The following GDA variants were observed in gnomAD, a reference collection of about 807,000 sequenced individuals.
GDA encodes the protein cytoplasmic PSD-95 interactor.
GDA carries 18 observed loss-of-function variants against 59.6 expected under a neutral mutation model. The observed-to-expected ratio is 0.30, with a 90% CI of 0.21 to 0.45. The LOEUF (loss-of-function observed/expected upper bound fraction) is 0.45, where lower values mean the gene tolerates loss of function less well. GDA is among the 20% of genes least tolerant of loss of function. GDA has a pLI of 1.00. For synonymous variants in GDA, 201 were observed against 201.1 expected (o/e 1.00, Z 0.00); for missense variants, 427 against 552.3 (o/e 0.77, Z 2.27).
chr9:72,193,699 C>T (rs1278065484), intron 1 of GDA: 1 of 152,346 alleles, frequency 6.6e-6, no homozygotes, highest in African/African-American at 2.4e-5. Flanking sequence ...GGTGGTGAAG[C>T]CAGCCAGGCT....
At chr9:72,135,408 G>T (rs1188835305) in intron 1 of GDA, among the ~76,000 whole-genome samples, 1 of 152,094 alleles carries the variant, frequency 6.6e-6, no homozygotes, top group Non-Finnish European at 1.5e-5. Context: ...GTATTCTCAT[G>T]CTGAGAAAGT....
intron 2 of GDA, among the ~76,000 whole-genome samples, chr9:72,201,334 C>T (rs1017761573): frequency 6.6e-6 from 1 of 152,100 alleles, no homozygotes; most frequent in Admixed American, 6.5e-5. Flanking sequence ...ATGTAGAACG[C>T]TGTGCCAGTG....
At chr9:72,124,420 A>G (rs1341166572) in intron 1 of GDA, among the ~76,000 whole-genome samples, 1 of 152,200 alleles carries the variant, frequency 6.6e-6, no homozygotes, top group Non-Finnish European at 1.5e-5. Flanking sequence ...TTACACTCAG[A>G]TTTCAGTGAT....
upstream of GDA, among the ~76,000 whole-genome samples, chr9:72,144,547 A>G (rs1009319124): frequency 1.3e-5 from 2 of 152,246 alleles, no homozygotes; most frequent in African/African-American, 4.8e-5. Context: ...CTATCATAAT[A>G]TAGATGTCCA....
At chr9:72,246,909 A>G (rs1324072198) in intron 12 of GDA, among the ~76,000 whole-genome samples, 6 of 152,120 alleles carry the variant, frequency 3.9e-5, no homozygotes, top group African/African-American at 1.4e-4. Context: ...GGGAGTTCTT[A>G]GTTTCTGTTT....
rs1239240515 is a variant in GDA, at chr9:72,223,231, G to A, written c.714+4G>A. 4 of 1,549,058 alleles carry A rather than the reference G, an allele frequency of 2.6e-6. No individual in the cohort carries two copies. The highest frequency in any genetic ancestry group is 2.7e-5 in the African/African-American group (2 of 73,580). On this transcript the variant is annotated splice_donor_region_variant and intron_variant, in intron 7 of 13. Transcript: ENST00000358399. ...AACCCGTGATTTGCACATTCAGGTG[G>A]GTATTCTTCTTCTCTTTATGCCTCT...
chr9:72,173,307 T>TGG (rs760955088), intron 1 of GDA, among the ~76,000 whole-genome samples: 74 of 152,092 alleles, frequency 4.9e-4, no homozygotes, highest in South Asian at 1.0e-3. Flanking sequence ...TGCCTTCTTC[T>TGG]GGTGAAATAC....
chr9:72,211,554 T>C (rs1030899506), intron 4 of GDA, among the ~76,000 whole-genome samples: 3 of 152,214 alleles, frequency 2.0e-5, no homozygotes, highest in Admixed American at 6.5e-5. Flanking sequence ...TGTTTGCTTA[T>C]GCAAAAGACC....
chr9:72,123,393 C>T (rs1016294000), intron 1 of GDA, among the ~76,000 whole-genome samples: 41 of 151,786 alleles, frequency 2.7e-4, no homozygotes, highest in African/African-American at 9.4e-4. Flanking sequence ...CCGTGTTAGC[C>T]AGGAGGGTCT....
chr9:72,155,287 G>A (rs1037950463), intron 1 of GDA, among the ~76,000 whole-genome samples: 1 of 152,152 alleles, frequency 6.6e-6, no homozygotes, highest in Non-Finnish European at 1.5e-5. Flanking sequence ...ATCAGATCTC[G>A]TGAGACTTAT....
At chr9:72,253,882 C>T (rs966022017), downstream of GDA, among the ~76,000 whole-genome samples, 1 of 151,894 alleles carries the variant, frequency 6.6e-6, no homozygotes, top group East Asian at 1.9e-4. Flanking sequence ...TGCAGCACAC[C>T]AGCATGTCAC....
chr9:72,208,051 G>C (rs2131401759), intron 3 of GDA, among the ~76,000 whole-genome samples: 1 of 152,292 alleles, frequency 6.6e-6, no homozygotes, highest in South Asian at 2.1e-4. Flanking sequence ...ACAGTGAGCT[G>C]TGATGTGTGA....
intron 1 of GDA, among the ~76,000 whole-genome samples, chr9:72,141,123 C>T (rs115161377): frequency 2.0e-3 from 299 of 152,230 alleles, no homozygotes; most frequent in African/African-American, 6.8e-3. Flanking sequence ...ATTAATTTGT[C>T]TAATATTAAT....
chr9:72,154,102 C>T (rs1470423631), intron 1 of GDA, among the ~76,000 whole-genome samples: 1 of 152,132 alleles, frequency 6.6e-6, no homozygotes, highest in Non-Finnish European at 1.5e-5. Context: ...GATGCATAAA[C>T]ATGCCTTGGG....
chr9:72,116,298 C>T (rs980994586), intron 1 of GDA, among the ~76,000 whole-genome samples: 2 of 151,552 alleles, frequency 1.3e-5, no homozygotes, highest in Admixed American at 1.3e-4. Context: ...AGCATCAAGT[C>T]AAAGTAGATT....
chr9:72,183,375 T>C (rs888623742), intron 1 of GDA, among the ~76,000 whole-genome samples: 1 of 152,122 alleles, frequency 6.6e-6, no homozygotes, highest in African/African-American at 2.4e-5. Context: ...CTATTAGCAT[T>C]CTCAGCCTTG....
At chr9:72,194,849 A>G (rs568049829) in intron 1 of GDA, among the ~76,000 whole-genome samples, 1 of 152,258 alleles carries the variant, frequency 6.6e-6, no homozygotes, top group Admixed American at 6.5e-5. Flanking sequence ...GCTGGTTTGA[A>G]TGTTCCCTCT....
At chr9:72,117,265 A>T (rs1031834393) in intron 1 of GDA, among the ~76,000 whole-genome samples, 2 of 152,156 alleles carry the variant, frequency 1.3e-5, no homozygotes, top group African/African-American at 2.4e-5. Flanking sequence ...TTTTCACTTC[A>T]CAAAGAAATA....
rs747825485 is a variant in GDA, at chr9:72,133,302, A to ATAATAATAATAAT, written c.-100+18469_-100+18470insTAATAATAATAAT. Among the ~76,000 whole-genome samples the ATAATAATAATAAT allele has an allele frequency of 2.9e-5, 4 of 137,794 alleles. No individual in the cohort carries two copies. In the East Asian group the frequency reaches 8.7e-4, roughly 30 times the overall value. The allele number at this position is 137,794 out of a possible 152,430, so 90.4% of individuals were successfully genotyped here. The stretch of plus-strand genomic sequence containing the variant: ...AGACTCTGTCTAAAAAAAAAAAAAA[A>ATAATAATAATAAT]AAAAAAAATAATAATAATAATAATA... On this transcript the variant is annotated intron_variant, in intron 1 of 13. Coordinates refer to the GDA transcript ENST00000545168.
Sources: gnomAD v4.1 joint callset for allele counts (sites outside exome capture counted in the v4.1 genomes callset) on GRCh38, gnomAD v4.1.1 for gene constraint, MANE v1.5 for transcripts, NCBI Gene and HGNC (gene_info 2026-07-23, HGNC 2026-07-21) for gene names.